SYN3: variants seen among roughly 807,000 people sequenced by gnomAD.
The protein encoded by SYN3 is synapsin-3.
SYN3 carries 35 observed loss-of-function variants against 65.8 expected under a neutral mutation model. The ratio of observed to expected loss-of-function variants is 0.53; its 90% CI spans 0.41 to 0.70. The LOEUF (loss-of-function observed/expected upper bound fraction) is 0.70, where lower values mean the gene tolerates loss of function less well. Ranked by LOEUF, SYN3 falls within the 30% of genes least tolerant of loss-of-function variation. The pLI is 0.00. For missense variants in SYN3, 680 were observed against 749.0 expected (o/e 0.91, Z 1.08); for synonymous variants, 270 against 292.9 (o/e 0.92, Z 0.80).
chr22:32,929,353 A>T (rs1006283871), intron 4 of SYN3, among the ~76,000 whole-genome samples: 1 of 138,452 alleles, frequency 7.2e-6, no homozygotes, highest in African/African-American at 2.5e-5. Flanking sequence ...ATATCTCCAT[A>T]CCTGATTTTT....
At chr22:32,964,596 G>T (rs1380368998) in intron 3 of SYN3, among the ~76,000 whole-genome samples, 1 of 152,066 alleles carries the variant, frequency 6.6e-6, no homozygotes, top group Non-Finnish European at 1.5e-5. Flanking sequence ...TCACAATTCT[G>T]CCACTAACTA....
chr22:32,567,162 G>A (rs1174624888), intron 7 of SYN3, among the ~76,000 whole-genome samples: 2 of 152,146 alleles, frequency 1.3e-5, no homozygotes, highest in Non-Finnish European at 2.9e-5. Context: ...GCCCTGCTGG[G>A]GTTGGAGATG....
At chr22:32,880,433 G>A (rs1480679782) in intron 4 of SYN3, among the ~76,000 whole-genome samples, 1 of 152,210 alleles carries the variant, frequency 6.6e-6, no homozygotes, top group Non-Finnish European at 1.5e-5. Flanking sequence ...GGTCTACAGG[G>A]GGGCTCTGGG....
At chr22:32,779,903 G>C (rs2045992534) in intron 6 of SYN3, among the ~76,000 whole-genome samples, 1 of 151,844 alleles carries the variant, frequency 6.6e-6, no homozygotes, top group Non-Finnish European at 1.5e-5. Flanking sequence ...ACACAGCAGG[G>C]GAGCAGGAAC....
chr22:32,643,622 T>C (rs2059939061), intron 6 of SYN3, among the ~76,000 whole-genome samples: 1 of 148,326 alleles, frequency 6.7e-6, no homozygotes, highest in African/African-American at 2.5e-5. Context: ...AAAAAAGAGT[T>C]ATAGTAGAAA....
At chr22:32,636,675 ACT>A (rs1293505925) in intron 6 of SYN3, among the ~76,000 whole-genome samples, 1 of 152,132 alleles carries the variant, frequency 6.6e-6, no homozygotes, top group African/African-American at 2.4e-5. Context: ...GGATCTAGAC[ACT>A]CTGAATTATT....
intron 11 of SYN3, 121 bp downstream of exon 11, chr22:32,528,753 T>G: frequency 7.2e-7 from 1 of 1,398,358 alleles, no homozygotes. Flanking sequence ...ACACCCCCAT[T>G]CCTTCTCCCC....
chr22:32,894,576 C>G (rs2049538483), intron 4 of SYN3, among the ~76,000 whole-genome samples: 1 of 152,208 alleles, frequency 6.6e-6, no homozygotes, highest in African/African-American at 2.4e-5. Flanking sequence ...CCAGGCACGA[C>G]CCCGTCATCC....
chr22:32,744,254 G>A (rs1042852559), intron 6 of SYN3, among the ~76,000 whole-genome samples: 1 of 152,170 alleles, frequency 6.6e-6, no homozygotes, highest in Non-Finnish European at 1.5e-5. Flanking sequence ...CCTTCAAAAT[G>A]TGGAAATGGA....
intron 1 of SYN3, among the ~76,000 whole-genome samples, chr22:33,041,988 CAT>C (rs2053972944): frequency 6.6e-6 from 1 of 152,180 alleles, no homozygotes; most frequent in Non-Finnish European, 1.5e-5. Flanking sequence ...CCCCCAAATT[CAT>C]ATGTTAAAAC....
At chr22:32,875,003 A>T (rs1235892360) in intron 4 of SYN3, among the ~76,000 whole-genome samples, 1 of 152,228 alleles carries the variant, frequency 6.6e-6, no homozygotes, top group Admixed American at 6.5e-5. Context: ...TGCAAGGATA[A>T]AGCCAAGGAA....
intron 6 of SYN3, among the ~76,000 whole-genome samples, chr22:32,725,552 C>G (rs2061178767): frequency 6.6e-6 from 1 of 152,144 alleles, no homozygotes; most frequent in Admixed American, 6.5e-5. Flanking sequence ...TACGCGTGGG[C>G]TGATGGGTCC....
chr22:33,040,436 C>T (rs984889539), intron 1 of SYN3, among the ~76,000 whole-genome samples: 2 of 152,182 alleles, frequency 1.3e-5, no homozygotes, highest in Non-Finnish European at 2.9e-5. Context: ...CAAAACTATG[C>T]ATCCACTGCT....
Position 32,660,620 on chromosome 22 carries a change from A to G in SYN3, c.712-63884T>C, listed in dbSNP as rs886542233. Among the ~76,000 whole-genome samples, 23 of 152,342 alleles carry G rather than the reference A, an allele frequency of 1.5e-4. No homozygotes were observed. In the East Asian group the frequency reaches 4.1e-3, roughly 27 times the overall value. On this transcript the variant is annotated intron_variant, in intron 6 of 13. Transcript: ENST00000358763. ...AAAATGGCGCTAAATGCTCCATCCA[A>G]CAAACATTTCTGGCTGCCTTCTGGA... is the stretch of plus-strand genomic sequence containing the variant.
At chr22:32,836,965 C>G (rs149193752) in intron 6 of SYN3, among the ~76,000 whole-genome samples, 99 of 152,332 alleles carry the variant, frequency 6.5e-4, no homozygotes, top group Non-Finnish European at 1.2e-3. Flanking sequence ...GATTTGCTGT[C>G]TGCAAAGGCT....
intron 6 of SYN3, among the ~76,000 whole-genome samples, chr22:32,822,731 G>T (rs978329962): frequency 2.0e-5 from 3 of 152,162 alleles, no homozygotes; most frequent in African/African-American, 4.8e-5. Flanking sequence ...AAAATCAGAA[G>T]TCAAAGGAGG....
intron 6 of SYN3, chr22:32,859,278 CA>C: frequency 6.2e-7 from 1 of 1,614,158 alleles, no homozygotes; most frequent in Non-Finnish European, 8.5e-7. Context: ...GCTACCAGTC[CA>C]AACACTACGC....
chr22:32,838,620 G>A (rs535148771), intron 6 of SYN3, among the ~76,000 whole-genome samples: 1 of 152,126 alleles, frequency 6.6e-6, no homozygotes, highest in African/African-American at 2.4e-5. Flanking sequence ...TTGGAGGTCA[G>A]TCTTCAATAT....
intron 6 of SYN3, among the ~76,000 whole-genome samples, chr22:32,737,621 C>T (rs1212251119): frequency 6.6e-6 from 1 of 152,192 alleles, no homozygotes; most frequent in Non-Finnish European, 1.5e-5. Flanking sequence ...CAGCTTCATC[C>T]ATGTCCATCT....
Sources: gnomAD v4.1 joint callset for allele counts (sites outside exome capture counted in the v4.1 genomes callset) on GRCh38, gnomAD v4.1.1 for gene constraint, MANE v1.5 for transcripts, NCBI Gene and HGNC (gene_info 2026-07-23, HGNC 2026-07-21) for gene names.